The following SPATA21 variants were observed in gnomAD, a reference collection of about 807,000 sequenced individuals.
SPATA21 encodes spermatogenesis associated 21.
Under a neutral mutation model 54.8 loss-of-function variants are expected in SPATA21, and 47 were observed. The observed-to-expected ratio is 0.86, with a 90% CI of 0.68 to 1.09. SPATA21 has a LOEUF of 1.09. Among genes scored for constraint, SPATA21 ranks in the 50% least tolerant of loss-of-function variants. The pLI is 0.00. For missense variants in SPATA21, 599 were observed against 596.4 expected (o/e 1.00, Z -0.05); for synonymous variants, 245 against 235.3 (o/e 1.04, Z -0.38).
intron 10 of SPATA21, 73 bp from the exon 11 acceptor site, chr1:16,400,965 C>T: frequency 6.6e-7 from 1 of 1,511,186 alleles, no homozygotes; most frequent in East Asian, 2.3e-5. Context: ...GCCCCTATCT[C>T]TCTGGCCAGC....
intron 7 of SPATA21, among the ~76,000 whole-genome samples, chr1:16,405,511 A>AAAAC (rs2085609075): frequency 6.8e-6 from 1 of 147,368 alleles, no homozygotes; most frequent in Admixed American, 6.8e-5. Context: ...AAAAAAAAAA[A>AAAAC]AAAACTGGGC....
chr1:16,410,932 C>A, intron 5 of SPATA21: 1 of 234,054 alleles, frequency 4.3e-6, no homozygotes, highest in Non-Finnish European at 9.0e-6. Flanking sequence ...AGAAGGTAAG[C>A]ATTATGAGGG....
intron 5 of SPATA21, among the ~76,000 whole-genome samples, chr1:16,413,637 G>C (rs1389080652): frequency 6.6e-6 from 1 of 151,382 alleles, no homozygotes; most frequent in African/African-American, 2.4e-5. Context: ...TTTTGAGACA[G>C]AGTTTCACTC....
chr1:16,421,701 C>A lies in SPATA21; in HGVS notation c.96-144G>T. ...CTCATCTCAGGGGGCTCCTTATGTC[C>A]CCACATCCTCATATATACAGGCTCA... On this transcript the variant is annotated intron_variant, in intron 4 of 12. Coordinates refer to ENST00000335496, the MANE Select transcript of SPATA21 (RefSeq NM_198546.1). This position sits in a 1 kb window ranked among gnomAD's most constrained non-coding sequence, Gnocchi z 5.2. 8.9e-7 allele frequency: 1 copy of A among 1,117,542 alleles called. No homozygotes were observed. 69.2% of individuals were successfully genotyped at this position (1,117,542 alleles called of 1,614,324 possible).
In SPATA21 at chr1:16,428,224, TA is replaced by T. The variant is rs1478709373; in HGVS notation, c.34+3113del. On this transcript the variant is annotated intron_variant, in intron 3 of 12. Transcript: ENST00000335496. This position sits in a 1 kb window ranked among gnomAD's most constrained non-coding sequence, Gnocchi z 4.3. ...CCTGCTGTTGCTGTTGCTTAGCACG[TA>T]AGGCTCTGGTATGAACTGGAGTCCA... Among the ~76,000 whole-genome samples the T allele has an allele frequency of 1.3e-5, 2 of 152,144 alleles. No homozygotes were observed. Among genetic ancestry groups the T allele is most frequent in the Admixed American group, 1.3e-4 (2 of 15,274 alleles).
In SPATA21 at chr1:16,403,975, G is replaced by A; in HGVS notation, c.876C>T (p.Cys292=). 4 of 1,582,632 alleles carry A rather than the reference G, an allele frequency of 2.5e-6. No homozygotes were observed. Among genetic ancestry groups the A allele is most frequent in the South Asian group, 1.1e-5 (1 of 87,666 alleles). ...GGGCTCATCCCTGCTCACCCACAGA[G>A]CAGAAGAAGCGCCTGGTGTCTGTCA... ...AVMTDTRRFF[C]SVEQNALSDM... is the part of the protein sequence containing the mutation. Residue 292 remains cysteine, a synonymous_variant, in exon 9 of 13, where the codon TGC becomes TGT. Coordinates refer to ENST00000335496, the MANE Select transcript of SPATA21 (RefSeq NM_198546.1).
intron 7 of SPATA21, among the ~76,000 whole-genome samples, chr1:16,407,091 C>T (rs2085666774): frequency 6.6e-6 from 1 of 152,222 alleles, no homozygotes; most frequent in African/African-American, 2.4e-5. Context: ...ATTCTATGAA[C>T]TCAGTGCTGG....
intron 8 of SPATA21, 45 bp from the exon 9 acceptor site, chr1:16,404,084 G>A (rs999944184): frequency 6.6e-7 from 1 of 1,519,952 alleles, no homozygotes; most frequent in Non-Finnish European, 8.9e-7. Flanking sequence ...CTTCGGAGCA[G>A]GTCCATGCCT....
intron 1 of SPATA21, among the ~76,000 whole-genome samples, chr1:16,435,818 T>C (rs1161822043): frequency 6.6e-6 from 1 of 152,178 alleles, no homozygotes; most frequent in East Asian, 1.9e-4. Flanking sequence ...CTTTTTATTA[T>C]TGCACGGTAA....
chr1:16,397,072 G>A (rs1316646687), downstream of SPATA21: 1 of 152,298 alleles, frequency 6.6e-6, no homozygotes, highest in Non-Finnish European at 1.5e-5. This position sits in a 1 kb window ranked among gnomAD's most constrained non-coding sequence, Gnocchi z 5.4. Context: ...CTTTTAATTG[G>A]AGAAGGGTAT....
chr1:16,419,677 C>T (rs578113316), intron 5 of SPATA21, among the ~76,000 whole-genome samples: 15 of 152,300 alleles, frequency 9.8e-5, no homozygotes, highest in Admixed American at 6.5e-4. Flanking sequence ...TGGTGGCTCA[C>T]GCCTGTGATC....
In SPATA21 at chr1:16,426,094, AT is replaced by A. The variant is rs1164234507; in HGVS notation, c.35-4124del. ...TTTTTAAACTGTTTTTCAGAAAAAA[AT>A]GAAACAAAAATCAGAACTGGGATGC... On this transcript the variant is annotated intron_variant, in intron 3 of 12. Transcript: ENST00000335496. Among the ~76,000 whole-genome samples, 782 of 152,156 alleles carry A rather than the reference AT, an allele frequency of 5.1e-3. 4 individuals are homozygous for A. The highest frequency in any genetic ancestry group is 0.017 in the African/African-American group (709 of 41,532).
chr1:16,434,308 C>T (rs1214924133), intron 1 of SPATA21, among the ~76,000 whole-genome samples: 1 of 145,436 alleles, frequency 6.9e-6, no homozygotes, highest in Non-Finnish European at 1.5e-5. Flanking sequence ...TTTTTTGAGA[C>T]AGAGTTTTGC....
chr1:16,428,995 A>G lies in SPATA21; in HGVS notation c.34+2343T>C, dbSNP rs116326733. Among the ~76,000 whole-genome samples the G allele has an allele frequency of 1.8e-3, 274 of 152,210 alleles. 2 individuals are homozygous for G. Among genetic ancestry groups the G allele is most frequent in the African/African-American group, 6.3e-3 (261 of 41,522 alleles). ...GGGACCCCATGACGGTGCTTGTTGAAAAAATAAATGGGTGGATGAAGGAAG... is the reference window on the plus strand; with the variant it reads ...GGGACCCCATGACGGTGCTTGTTGAGAAAATAAATGGGTGGATGAAGGAAG... On this transcript the variant is annotated intron_variant, in intron 3 of 12. Transcript: ENST00000335496. The surrounding 1 kb of genome is among the most constrained non-coding windows in gnomAD (Gnocchi z 4.3).
At chr1:16,420,396 C>T (rs915158028) in intron 5 of SPATA21, among the ~76,000 whole-genome samples, 23 of 151,856 alleles carry the variant, frequency 1.5e-4, no homozygotes, top group South Asian at 6.2e-4. Flanking sequence ...TGTTTGTACA[C>T]GCCTGTAGTC....
In SPATA21 at chr1:16,409,763, G is replaced by A; in HGVS notation, c.425C>T (p.Ala142Val). The change falls in exon 6 of 13, where the codon GCC (alanine) becomes GTC (valine). Residue 142 changes from alanine to valine, a missense_variant. Physicochemically the swap from Ala to Val is moderately conservative, Grantham distance 64 (BLOSUM62 0). Transcript: ENST00000335496. The surrounding 1 kb of genome is among the most constrained non-coding windows in gnomAD (Gnocchi z 4.1). ...TTCTGGCCCAGGAGCTGGCAGCCGG[G>A]CCCACGATGGGCCGCTGGCAGGGAC... ...ASVPASGPSW[A>V]RLPAPGPEPA... 3 of 1,606,374 alleles carry A rather than the reference G, an allele frequency of 1.9e-6. No individual in the cohort carries two copies. Among genetic ancestry groups the A allele is most frequent in the Admixed American group, 3.4e-5 (2 of 58,718 alleles).
intron 5 of SPATA21, among the ~76,000 whole-genome samples, chr1:16,416,829 T>A (rs928973476): frequency 6.6e-6 from 1 of 152,154 alleles, no homozygotes; most frequent in Non-Finnish European, 1.5e-5. Flanking sequence ...GTCACCTTGA[T>A]GTATAAAACC....
At chr1:16,402,588 G>A (rs1026851734) in intron 10 of SPATA21, among the ~76,000 whole-genome samples, 5 of 145,958 alleles carry the variant, frequency 3.4e-5, no homozygotes, top group African/African-American at 1.0e-4. Context: ...ATGGACTTTC[G>A]TTCTGTCACC....
At chr1:16,429,244 C>T (rs990419655) in intron 3 of SPATA21, among the ~76,000 whole-genome samples, 2 of 151,764 alleles carry the variant, frequency 1.3e-5, no homozygotes, top group South Asian at 2.1e-4. Context: ...CTCAAGCTCT[C>T]CTCCCGCCTC....
Sources: gnomAD v4.1 joint callset for allele counts (sites outside exome capture counted in the v4.1 genomes callset) on GRCh38, gnomAD v4.1.1 for gene constraint, Gnocchi (gnomAD v3.1) non-coding constraint, MANE v1.5 for transcripts, NCBI Gene and HGNC (gene_info 2026-07-23, HGNC 2026-07-21) for gene names.